The following ZNF407 variants were observed in gnomAD, a reference collection of about 807,000 sequenced individuals.
ZNF407 encodes zinc finger protein 407.
A neutral mutation model predicts 131.2 loss-of-function variants in ZNF407; 17 were observed. That is an observed-to-expected ratio of 0.13 (90% CI 0.09 to 0.19). The LOEUF is 0.19. Among genes scored for constraint, ZNF407 ranks in the 10% least tolerant of loss-of-function variants. The pLI, the probability that ZNF407 is intolerant of heterozygous loss-of-function variation, is 1.00. For missense variants in ZNF407, 2,681 were observed against 2,830.6 expected, an observed-to-expected ratio of 0.95 and a Z score of 1.20; for synonymous variants, 1,156 against 1,062.0, an observed-to-expected ratio of 1.09 and a Z score of -1.72.
rs367651845 is a variant in ZNF407 at position 74,742,811 on chromosome 18, A to T, written c.4803-38617A>T. ...GCTTAGTCCCTGTTTCTAGCTCATA[A>T]ATTCTGTGGTCTGGCTAAAAAACAA... On this transcript the variant is annotated intron_variant, in intron 3 of 8. Transcript: ENST00000299687. Among the ~76,000 whole-genome samples, 25 of 152,188 alleles carry T rather than the reference A, an allele frequency of 1.6e-4. No individual in the cohort carries two copies. In the South Asian group the frequency reaches 4.4e-3, roughly 27 times the overall value.
chr18:75,043,649 C>CTT (rs2122244961), intron 8 of ZNF407, among the ~76,000 whole-genome samples: 1 of 152,330 alleles, frequency 6.6e-6, no homozygotes, highest in East Asian at 1.9e-4. Context: ...CAGTGTTCTG[C>CTT]TTTGCAAGTG....
Position 74,801,708 on chromosome 18 carries a change from A to G in ZNF407, c.4877+20206A>G, listed in dbSNP as rs1034504894. ...GCTGCCAGTGATAGCTGTATGGTAT[A>G]TAGAAGCCAGGGCTAGTTTATGAAC... On this transcript the variant is annotated intron_variant, in intron 4 of 8. Transcript: ENST00000299687. Among the ~76,000 whole-genome samples, 16 of 152,184 alleles carry G rather than the reference A, an allele frequency of 1.1e-4. No homozygotes were observed. The East Asian group carries it at 1.2e-3, about 11-fold the overall frequency.
chr18:74,975,878 T>C (rs1599273441), intron 8 of ZNF407, among the ~76,000 whole-genome samples: 2 of 152,346 alleles, frequency 1.3e-5, no homozygotes, highest in Middle Eastern at 6.8e-3. Context: ...TTCTATTGTA[T>C]GTTGTTATAT....
chr18:74,686,032 A>G (rs531953863), intron 3 of ZNF407, among the ~76,000 whole-genome samples: 2 of 152,326 alleles, frequency 1.3e-5, no homozygotes, highest in Non-Finnish European at 2.9e-5. Context: ...TAAAAAATCA[A>G]CATTTAATTC....
chr18:74,954,347 T>A (rs1568281780), intron 8 of ZNF407, among the ~76,000 whole-genome samples: 1 of 152,188 alleles, frequency 6.6e-6, no homozygotes, highest in African/African-American at 2.4e-5. Context: ...ATATATATCT[T>A]TAATCTATAT....
At chr18:74,951,324 G>A (rs1178610377) in intron 8 of ZNF407, among the ~76,000 whole-genome samples, 1 of 152,122 alleles carries the variant, frequency 6.6e-6, no homozygotes, top group Non-Finnish European at 1.5e-5. Context: ...CTTGGTGTGG[G>A]GCCAAGCCCT....
chr18:74,771,180 A>G (rs1969352690), intron 3 of ZNF407, among the ~76,000 whole-genome samples: 1 of 152,300 alleles, frequency 6.6e-6, no homozygotes, highest in Middle Eastern at 3.4e-3. Flanking sequence ...GTGTCAGAAT[A>G]TATTTGAGAA....
chr18:74,745,874 CTCTG>C (rs899675154), intron 3 of ZNF407, among the ~76,000 whole-genome samples: 1 of 152,294 alleles, frequency 6.6e-6, no homozygotes, highest in Non-Finnish European at 1.5e-5. Flanking sequence ...CATTTGCTCA[CTCTG>C]TCTGTGTATA....
intron 3 of ZNF407, among the ~76,000 whole-genome samples, chr18:74,670,080 A>G (rs764056724): frequency 2.0e-5 from 3 of 152,208 alleles, no homozygotes; most frequent in Non-Finnish European, 4.4e-5. Context: ...CCAGGACTAC[A>G]GTGATAGGAA....
intron 8 of ZNF407, among the ~76,000 whole-genome samples, chr18:75,041,672 A>G (rs1224106744): frequency 6.6e-6 from 1 of 152,108 alleles, no homozygotes; most frequent in Non-Finnish European, 1.5e-5. Context: ...AGCCAAAAAC[A>G]AATGTGCAGC....
chr18:75,028,204 C>T (rs1278567030), intron 8 of ZNF407, among the ~76,000 whole-genome samples: 1 of 152,224 alleles, frequency 6.6e-6, no homozygotes, highest in African/African-American at 2.4e-5. Context: ...TAACAAAGCA[C>T]CATGGGCTGG....
At chr18:74,747,266 C>T (rs2144934781) in intron 3 of ZNF407, among the ~76,000 whole-genome samples, 3 of 152,164 alleles carry the variant, frequency 2.0e-5, no homozygotes, top group Admixed American at 2.0e-4. Context: ...GAAAACAGAA[C>T]CGTGATTTCA....
At chr18:75,006,801 G>GT (rs1296702429) in intron 8 of ZNF407, among the ~76,000 whole-genome samples, 1 of 151,946 alleles carries the variant, frequency 6.6e-6, no homozygotes, top group Non-Finnish European at 1.5e-5. Flanking sequence ...GCATGTTGAA[G>GT]TTTTTTACTA....
chr18:75,033,074 CTA>C (rs1483785052), intron 8 of ZNF407, among the ~76,000 whole-genome samples: 1 of 122,728 alleles, frequency 8.1e-6, no homozygotes, highest in Non-Finnish European at 1.6e-5. Context: ...TATTAGATAA[CTA>C]AGAGTGCTCG....
At chr18:74,933,374 A>C (rs1017161925) in intron 8 of ZNF407, among the ~76,000 whole-genome samples, 10 of 152,170 alleles carry the variant, frequency 6.6e-5, no homozygotes, top group Non-Finnish European at 1.3e-4. Flanking sequence ...TCAAAGAGAT[A>C]GAAGGTAGAA....
chr18:74,741,678 T>G (rs899945307), intron 3 of ZNF407, among the ~76,000 whole-genome samples: 6 of 152,172 alleles, frequency 3.9e-5, no homozygotes, highest in Admixed American at 1.3e-4. Context: ...CATGCCTGAT[T>G]TGCACATTTC....
chr18:74,785,980 AG>A (rs1184650722), intron 4 of ZNF407, among the ~76,000 whole-genome samples: 1 of 152,220 alleles, frequency 6.6e-6, no homozygotes, highest in Non-Finnish European at 1.5e-5. Flanking sequence ...GATGCTTCAC[AG>A]GGTTGTTTAC....
At chr18:75,004,754 A>G (rs773564544) in intron 8 of ZNF407, among the ~76,000 whole-genome samples, 10 of 152,232 alleles carry the variant, frequency 6.6e-5, no homozygotes, top group Non-Finnish European at 1.2e-4. Flanking sequence ...GCCGTCATCA[A>G]CCATCATTTT....
intron 8 of ZNF407, among the ~76,000 whole-genome samples, chr18:74,981,082 G>T (rs570765474): frequency 6.6e-6 from 1 of 152,356 alleles, no homozygotes; most frequent in African/African-American, 2.4e-5. Context: ...CTAAGAGCTA[G>T]AAGCAGTGTT....
Sources: gnomAD v4.1 joint callset for allele counts (sites outside exome capture counted in the v4.1 genomes callset) on GRCh38, gnomAD v4.1.1 for gene constraint, MANE v1.5 for transcripts, NCBI Gene and HGNC (gene_info 2026-07-23, HGNC 2026-07-21) for gene names.